FRMD4B: variants seen among roughly 807,000 people sequenced by gnomAD.
FRMD4B encodes the protein FERM domain containing 4B.
In FRMD4B, 74 loss-of-function variants were observed where a neutral mutation model predicts 141.5. The observed-to-expected ratio is 0.52, with a 90% CI of 0.43 to 0.63. The LOEUF is 0.63. Among genes scored for constraint, FRMD4B ranks in the 30% least tolerant of loss-of-function variants. The pLI is 0.00. For synonymous variants in FRMD4B, 506 were observed against 467.9 expected (o/e 1.08, Z -1.05); for missense variants, 1,366 against 1,253.4 (o/e 1.09, Z -1.36).
intron 1 of FRMD4B, among the ~76,000 whole-genome samples, chr3:69,452,092 T>A (rs1353407572): frequency 6.6e-6 from 1 of 152,256 alleles, no homozygotes; most frequent in Admixed American, 6.5e-5. Context: ...AACTTTATAA[T>A]GGTAGGAGGA....
intron 14 of FRMD4B, 67 bp downstream of exon 14, chr3:69,196,188 T>G (rs1165848252): frequency 8.3e-7 from 1 of 1,200,694 alleles, no homozygotes. Context: ...AATTTCGAAG[T>G]GGTTTATGAC....
chr3:69,310,573 CACACACACAGAGAGAGAGAG>C (rs1701547363), intron 3 of FRMD4B: 1 of 256,536 alleles, frequency 3.9e-6, no homozygotes, highest in Non-Finnish European at 7.9e-6. Flanking sequence ...CACACACACA[CACACACACAGAGAGAGAGAG>C]AGAGAGAGAG....
intron 1 of FRMD4B, among the ~76,000 whole-genome samples, chr3:69,345,020 A>C (rs1702884010): frequency 6.6e-6 from 1 of 151,868 alleles, no homozygotes. Context: ...ACCGAGAGTG[A>C]GCTGAAGCAG....
rs1455121723 is a variant in FRMD4B, at chr3:69,181,416, G to C, written c.2334C>G (p.Ser778Arg). ...KQNVSTSNSG[S>R]MPNLAQKDSL... The stretch of plus-strand genomic sequence containing the variant: ...TATCCTTTTGTGCTAGGTTGGGCAT[G>C]CTTCCTGAATTTGAAGTAGAAACAT... The change falls in exon 21 of 23, where the codon AGC becomes AGG. Residue 778 changes from serine to arginine, a missense_variant. Coordinates refer to ENST00000398540, the MANE Select transcript of FRMD4B (RefSeq NM_015123.3). 6.2e-7 allele frequency: 1 copy of C among 1,613,962 alleles called. No homozygotes were observed. Among genetic ancestry groups the C allele is most frequent in the Non-Finnish European group, 8.5e-7 (1 of 1,179,880 alleles).
chr3:69,529,527 C>A (rs1393334953), intron 1 of FRMD4B, among the ~76,000 whole-genome samples: 3 of 152,134 alleles, frequency 2.0e-5, no homozygotes, highest in East Asian at 1.9e-4. Flanking sequence ...CTTCCTAACC[C>A]CACTGTGCTG....
chr3:69,233,284 C>G (rs2093323135), intron 7 of FRMD4B, among the ~76,000 whole-genome samples: 1 of 151,884 alleles, frequency 6.6e-6, no homozygotes, highest in Non-Finnish European at 1.5e-5. Context: ...GAGTTCGAGA[C>G]CAGCCTGGCC....
chr3:69,477,942 T>C (rs1706031645), intron 1 of FRMD4B, among the ~76,000 whole-genome samples: 1 of 152,140 alleles, frequency 6.6e-6, no homozygotes, highest in Non-Finnish European at 1.5e-5. Context: ...GGAGGGTGTA[T>C]GTGTCCAGGA....
chr3:69,313,731 A>C (rs999272528), intron 1 of FRMD4B, among the ~76,000 whole-genome samples: 1 of 152,270 alleles, frequency 6.6e-6, no homozygotes, highest in Non-Finnish European at 1.5e-5. Context: ...ATATATTGCA[A>C]AAATAATGTC....
At chr3:69,533,214 G>A (rs923996589) in intron 1 of FRMD4B, among the ~76,000 whole-genome samples, 12 of 152,206 alleles carry the variant, frequency 7.9e-5, no homozygotes, top group African/African-American at 2.9e-4. Flanking sequence ...GGAACAAGAT[G>A]AACCATTAGA....
At chr3:69,467,147 A>G (rs1242487676) in intron 1 of FRMD4B, among the ~76,000 whole-genome samples, 1 of 152,226 alleles carries the variant, frequency 6.6e-6, no homozygotes, top group Non-Finnish European at 1.5e-5. Flanking sequence ...TAAGATGGAA[A>G]AAGAATGGGC....
chr3:69,465,805 G>A (rs1705773218), intron 1 of FRMD4B, among the ~76,000 whole-genome samples: 1 of 152,100 alleles, frequency 6.6e-6, no homozygotes, highest in African/African-American at 2.4e-5. Flanking sequence ...TGGACATTTG[G>A]GTTGGTTCCA....
At chr3:69,413,602 C>T (rs1377271870) in intron 2 of FRMD4B, among the ~76,000 whole-genome samples, 2 of 152,180 alleles carry the variant, frequency 1.3e-5, no homozygotes, top group African/African-American at 2.4e-5. Flanking sequence ...TCATTAAATC[C>T]TAGCAGTGGC....
chr3:69,380,750 T>C (rs938001152), intron 1 of FRMD4B, among the ~76,000 whole-genome samples: 2 of 152,182 alleles, frequency 1.3e-5, no homozygotes, highest in Non-Finnish European at 2.9e-5. Flanking sequence ...CCGGAGTCTG[T>C]GCAAGTTGCC....
intron 1 of FRMD4B, chr3:69,471,455 C>T (rs1330908232): frequency 3.8e-6 from 1 of 260,576 alleles, no homozygotes; most frequent in Non-Finnish European, 7.7e-6. Flanking sequence ...TATTAACTAA[C>T]CTTTTGCCCT....
At chr3:69,279,878 C>G (rs1279357885) in intron 5 of FRMD4B, among the ~76,000 whole-genome samples, 1 of 151,642 alleles carries the variant, frequency 6.6e-6, no homozygotes, top group Non-Finnish European at 1.5e-5. Context: ...ACCTCATAAG[C>G]CCTACTTGCT....
At chr3:69,409,214 G>A (rs771727630) in intron 2 of FRMD4B, among the ~76,000 whole-genome samples, 2 of 152,144 alleles carry the variant, frequency 1.3e-5, no homozygotes, top group Non-Finnish European at 2.9e-5. Flanking sequence ...AGAAGGCAGA[G>A]GTTACTAGCG....
At chr3:69,211,035 A>AAAAAG in intron 11 of FRMD4B, among the ~76,000 whole-genome samples, 1 of 151,556 alleles carries the variant, frequency 6.6e-6, no homozygotes, top group African/African-American at 2.4e-5. Flanking sequence ...AAAAAAAAAA[A>AAAAAG]AAAAAGAAAG....
chr3:69,412,822 T>A (rs958182930), intron 2 of FRMD4B, among the ~76,000 whole-genome samples: 7 of 146,930 alleles, frequency 4.8e-5, no homozygotes, highest in Non-Finnish European at 7.5e-5. Context: ...CCTAAGAGAA[T>A]TCCAATGAGA....
chr3:69,518,679 C>A (rs892498962), intron 1 of FRMD4B, among the ~76,000 whole-genome samples: 19 of 152,142 alleles, frequency 1.2e-4, no homozygotes, highest in African/African-American at 4.6e-4. Flanking sequence ...CCAAGCTAGA[C>A]CAACCCAACA....
Sources: allele counts gnomAD v4.1 joint callset (sites outside exome capture counted in the v4.1 genomes callset), GRCh38; gene constraint gnomAD v4.1.1; transcripts MANE v1.5; gene names NCBI Gene and HGNC (gene_info 2026-07-23, HGNC 2026-07-21).